ATAD2B: variants seen among roughly 807,000 people sequenced by gnomAD.
ATAD2B encodes ATPase family AAA domain-containing protein 2B.
In ATAD2B, 40 loss-of-function variants were observed where a neutral mutation model predicts 167.6. That is an observed-to-expected ratio of 0.24 (90% CI 0.19 to 0.31). The LOEUF (loss-of-function observed/expected upper bound fraction) is 0.31. Among genes scored for constraint, ATAD2B ranks in the 10% least tolerant of loss-of-function variants. The probability of loss-of-function intolerance (pLI) is 1.00; values close to 1 mark genes in which losing one functional copy is unlikely to be tolerated. For synonymous variants in ATAD2B, 579 were observed against 596.5 expected, an observed-to-expected ratio of 0.97 and a Z score of 0.43; for missense variants, 1,242 against 1,757.2, an observed-to-expected ratio of 0.71 and a Z score of 5.24.
chr2:23,715,441 G>A, the ATAD2B span, among the ~76,000 whole-genome samples: 1 of 152,024 alleles, frequency 6.6e-6, no homozygotes, highest in Non-Finnish European at 1.5e-5. Context: ...AGGCATGGTG[G>A]CAGGCGCCTG....
At chr2:23,903,931 G>A (rs996347996) in intron 1 of ATAD2B, among the ~76,000 whole-genome samples, 4 of 149,134 alleles carry the variant, frequency 2.7e-5, no homozygotes, top group Middle Eastern at 3.5e-3. Context: ...AAAAAGTGCC[G>A]GTTGTTGTTG....
chr2:23,739,663 A>C, the ATAD2B span, among the ~76,000 whole-genome samples: 34 of 152,338 alleles, frequency 2.2e-4, no homozygotes, highest in African/African-American at 8.2e-4. Flanking sequence ...GAGCAAACAC[A>C]TTCAAAAGCT....
intron 2 of ATAD2B, among the ~76,000 whole-genome samples, chr2:23,890,150 G>C (rs943068537): frequency 2.2e-4 from 34 of 151,708 alleles, no homozygotes; most frequent in Non-Finnish European, 4.0e-4. Context: ...GGGAGGTGGA[G>C]CTTACAGTGA....
chr2:23,915,224 A>C (rs550263707), intron 1 of ATAD2B, among the ~76,000 whole-genome samples: 1 of 152,308 alleles, frequency 6.6e-6, no homozygotes, highest in African/African-American at 2.4e-5. Flanking sequence ...ATCACTTATG[A>C]AAACTTAAAA....
intron 4 of ATAD2B, 99 bp from the exon 5 acceptor site, chr2:23,885,928 A>G: frequency 1.5e-6 from 1 of 665,848 alleles, no homozygotes; most frequent in Non-Finnish European, 2.4e-6. Context: ...CTGATGTGTA[A>G]CTACACACAA....
chr2:23,741,960 T>A, the ATAD2B span, among the ~76,000 whole-genome samples: 1 of 151,960 alleles, frequency 6.6e-6, no homozygotes, highest in African/African-American at 2.4e-5. Context: ...AAAATGCTCA[T>A]CATCACTGGC....
chr2:23,825,967 CATTA>C (rs1216029236), intron 15 of ATAD2B, among the ~76,000 whole-genome samples: 4 of 152,068 alleles, frequency 2.6e-5, no homozygotes, highest in South Asian at 2.1e-4. Context: ...TAGATTTTCA[CATTA>C]ATTATTATAA....
At chr2:23,834,135 A>C in intron 13 of ATAD2B, 57 bp from the exon 14 acceptor site, 1 of 784,680 alleles carries the variant, frequency 1.3e-6, no homozygotes, top group Non-Finnish European at 1.9e-6. Context: ...TGCTTACAAT[A>C]ACGTTTATCA....
chr2:23,861,109 T>C (rs1039037552), intron 12 of ATAD2B, among the ~76,000 whole-genome samples: 33 of 151,806 alleles, frequency 2.2e-4, no homozygotes, highest in African/African-American at 7.7e-4. Flanking sequence ...TCACTATTTT[T>C]ATATACATGA....
chr2:23,761,690 G>A (rs1031080836), intron 24 of ATAD2B, among the ~76,000 whole-genome samples: 2 of 152,226 alleles, frequency 1.3e-5, no homozygotes, highest in Middle Eastern at 6.8e-3. Context: ...ACATGAATGA[G>A]TACAAAAAAA....
chr2:23,803,170 C>T (rs1466369373), intron 18 of ATAD2B, among the ~76,000 whole-genome samples: 1 of 151,894 alleles, frequency 6.6e-6, no homozygotes, highest in Admixed American at 6.6e-5. Context: ...CTTTTACTAC[C>T]GATATTAACA....
the ATAD2B span, among the ~76,000 whole-genome samples, chr2:23,720,780 T>C: frequency 6.6e-6 from 1 of 152,060 alleles, no homozygotes; most frequent in Non-Finnish European, 1.5e-5. Context: ...AGTCTCCCAG[T>C]TTGGAGAGCT....
intron 8 of ATAD2B, 74 bp downstream of exon 8, chr2:23,875,755 T>C (rs1444860060): frequency 1.0e-6 from 1 of 956,004 alleles, no homozygotes; most frequent in Non-Finnish European, 1.6e-6. Context: ...TGTTAGTCAC[T>C]AATTAAAGAA....
chr2:23,743,752 G>C (rs1043401520), downstream of ATAD2B, among the ~76,000 whole-genome samples: 6 of 151,966 alleles, frequency 3.9e-5, no homozygotes, highest in Non-Finnish European at 8.8e-5. Context: ...TCAGCCTCCT[G>C]AGTGGCTGAG....
rs2150075553 is a variant in ATAD2B at position 23,867,818 on chromosome 2, A to T, written c.1188+17T>A. On this transcript the variant is annotated intron_variant, in intron 10 of 27. Transcript: ENST00000238789. The stretch of plus-strand genomic sequence containing the variant: ...TAAAAAAAAGAAAACTTCTAGAAAA[A>T]CATTTACAAAACTTACTGATTTATC... 1 of 1,549,118 alleles carries T rather than the reference A, an allele frequency of 6.5e-7. No individual in the cohort carries two copies. The highest frequency in any genetic ancestry group is 1.2e-5 in the South Asian group (1 of 84,892).
chr2:23,788,763 T>TAAA (rs1244747867), intron 19 of ATAD2B, 116 bp from the exon 20 acceptor site: 2 of 890,064 alleles, frequency 2.2e-6, no homozygotes, highest in Admixed American at 2.8e-5. Flanking sequence ...TCATAGACCA[T>TAAA]TCACATGGGG....
At chr2:23,693,508 G>A in the ATAD2B span, 1 of 1,550,558 alleles carries the variant, frequency 6.4e-7, no homozygotes, top group Non-Finnish European at 8.7e-7. Flanking sequence ...GATCAAGAAG[G>A]ACCCCGCGAC....
intron 2 of ATAD2B, among the ~76,000 whole-genome samples, chr2:23,889,311 G>T (rs529658388): frequency 2.0e-5 from 3 of 152,056 alleles, no homozygotes; most frequent in African/African-American, 7.2e-5. Flanking sequence ...GGAATTACAG[G>T]CACGTGCCAC....
At chr2:23,884,666 A>T (rs1698428489) in intron 6 of ATAD2B, 99 bp downstream of exon 6, 1 of 589,616 alleles carries the variant, frequency 1.7e-6, no homozygotes. Context: ...AAATCCAAAA[A>T]CCAACTACTC....
Sources: allele counts gnomAD v4.1 joint callset (sites outside exome capture counted in the v4.1 genomes callset), GRCh38; gene constraint gnomAD v4.1.1; transcripts MANE v1.5; gene names NCBI Gene and HGNC (gene_info 2026-07-23, HGNC 2026-07-21).